R3HDM1: variants seen among roughly 807,000 people sequenced by gnomAD.
The protein encoded by R3HDM1 is R3H domain containing 1.
In R3HDM1, 46 loss-of-function variants were observed where a neutral mutation model predicts 141.1. That is an observed-to-expected ratio of 0.33 (90% CI 0.26 to 0.42). R3HDM1 has a LOEUF of 0.42. Ranked by LOEUF, R3HDM1 falls within the 10% of genes least tolerant of loss-of-function variation. The probability of loss-of-function intolerance (pLI) is 1.00; values close to 1 mark genes in which losing one functional copy is unlikely to be tolerated. For synonymous variants in R3HDM1, 435 were observed against 472.9 expected (o/e 0.92, Z 1.04); for missense variants, 1,184 against 1,368.3 (o/e 0.87, Z 2.12).
chr2:135,542,645 G>T (rs147119426), intron 1 of R3HDM1, among the ~76,000 whole-genome samples: 46 of 152,282 alleles, frequency 3.0e-4, no homozygotes, highest in Non-Finnish European at 6.2e-4. Context: ...TGAAATAAAA[G>T]ATTTCATCCC....
chr2:135,599,920 G>C (rs1235841280), intron 1 of R3HDM1, among the ~76,000 whole-genome samples: 1 of 151,822 alleles, frequency 6.6e-6, no homozygotes, highest in Non-Finnish European at 1.5e-5. Context: ...TATAGTCGCA[G>C]TTACTCAGGA....
At chr2:135,616,368 CT>C (rs1442476510) in intron 4 of R3HDM1, among the ~76,000 whole-genome samples, 175 bp downstream of exon 4, 1 of 152,038 alleles carries the variant, frequency 6.6e-6, no homozygotes, top group Admixed American at 6.6e-5. Context: ...TTGTGCATTG[CT>C]TTTTTTATCT....
At chr2:135,658,654 A>G (rs1373987976) in intron 18 of R3HDM1, among the ~76,000 whole-genome samples, 2 of 152,178 alleles carry the variant, frequency 1.3e-5, no homozygotes, top group Admixed American at 6.5e-5. Context: ...TTCTTCAGTA[A>G]TTAACCTTAG....
At chr2:135,621,088 A>G (rs1375755780) in intron 5 of R3HDM1, among the ~76,000 whole-genome samples, 1 of 152,010 alleles carries the variant, frequency 6.6e-6, no homozygotes, top group Non-Finnish European at 1.5e-5. Context: ...TTTATTAATC[A>G]TTGACTTGAC....
intron 1 of R3HDM1, among the ~76,000 whole-genome samples, chr2:135,568,354 T>C (rs1266562772): frequency 2.0e-5 from 3 of 149,478 alleles, no homozygotes; most frequent in Non-Finnish European, 4.4e-5. Context: ...GGCCACAGTT[T>C]TTTTGTTTGT....
intron 21 of R3HDM1, among the ~76,000 whole-genome samples, chr2:135,701,593 A>C (rs1486945343): frequency 1.3e-5 from 2 of 152,140 alleles, no homozygotes; most frequent in African/African-American, 4.8e-5. Flanking sequence ...CATTTGATTC[A>C]GGTGATCTAG....
chr2:135,688,478 AT>A (rs151247970), intron 21 of R3HDM1, among the ~76,000 whole-genome samples: 71 of 149,954 alleles, frequency 4.7e-4, no homozygotes, highest in Middle Eastern at 3.4e-3. Context: ...GTTTTGGGGG[AT>A]TTTTTTTTTC....
intron 5 of R3HDM1, 141 bp downstream of exon 5, chr2:135,616,898 A>C: frequency 1.4e-6 from 1 of 699,554 alleles, no homozygotes; most frequent in Non-Finnish European, 2.3e-6. Context: ...CAAGAGATAT[A>C]TGAAAAGTTA....
intron 1 of R3HDM1, chr2:135,597,245 G>T (rs773999704): frequency 4.9e-5 from 48 of 979,002 alleles, no homozygotes; most frequent in Non-Finnish European, 5.2e-5. Context: ...ATGGTTTAAC[G>T]AACTCTTTTA....
intron 1 of R3HDM1, among the ~76,000 whole-genome samples, chr2:135,570,281 C>A (rs1262309441): frequency 1.3e-5 from 2 of 152,158 alleles, no homozygotes; most frequent in African/African-American, 4.8e-5. Context: ...TCAGTTATCT[C>A]AGTATTAAAT....
chr2:135,667,056 T>C lies in R3HDM1; in HGVS notation c.2152+5663T>C, dbSNP rs113757958. On this transcript the variant is annotated intron_variant, in intron 19 of 26. Transcript: ENST00000683871. ...ATTCTAAGCATTTCTTTAATACTTT[T>C]TGTAATTTTTCTGATTATTTCTGTG... 3.4e-6 allele frequency: 3 copies of C among 870,868 alleles called. No individual in the cohort carries two copies. The African/African-American group carries it at 5.5e-5, about 16-fold the overall frequency. The allele number at this position is 870,868 out of a possible 1,614,324, so 53.9% of individuals were successfully genotyped here.
At chr2:135,658,687 TTTAA>T (rs2066246559) in intron 18 of R3HDM1, among the ~76,000 whole-genome samples, 1 of 152,198 alleles carries the variant, frequency 6.6e-6, no homozygotes, top group East Asian at 1.9e-4. Context: ...TTATAAACTT[TTTAA>T]TTCTTTTCAC....
Position 135,649,994 on chromosome 2 carries a change from A to G in R3HDM1, c.1716A>G (p.Gln572=), listed in dbSNP as rs899403656. ...SPFLPVSPTQ[Q]YSVQDNLGSQ... ...TCCTGCCAGTCTCACCCACCCAGCA[A>G]TACTCTGTGGTACTATATCTCTATT... Residue 572 remains glutamine, a synonymous_variant, in exon 17 of 27, where the codon CAA becomes CAG. Coordinates refer to ENST00000683871, the MANE Select transcript of R3HDM1 (RefSeq NM_001378107.1). The G allele has an allele frequency of 7.0e-6, 9 of 1,289,386 alleles. No individual in the cohort carries two copies. Among genetic ancestry groups the G allele is most frequent in the African/African-American group, 1.5e-5 (1 of 65,388 alleles). The allele number at this position is 1,289,386 out of a possible 1,614,324, so 79.9% of individuals were successfully genotyped here.
chr2:135,562,206 G>A (rs1248760761), intron 1 of R3HDM1, among the ~76,000 whole-genome samples: 1 of 152,138 alleles, frequency 6.6e-6, no homozygotes, highest in Non-Finnish European at 1.5e-5. Flanking sequence ...ATAGCTGTTC[G>A]TAGGAATGAG....
intron 22 of R3HDM1, 70 bp from the exon 23 acceptor site, chr2:135,709,989 C>A (rs2304368): frequency 0.031 from 44,226 of 1,436,632 alleles, 2,006 homozygotes; most frequent in African/African-American, 0.2. Context: ...CTACTGTTAT[C>A]CTAGTGTTCA....
chr2:135,616,080 A>G, intron 3 of R3HDM1, 72 bp from the exon 4 acceptor site: 1 of 1,443,822 alleles, frequency 6.9e-7, no homozygotes, highest in East Asian at 2.3e-5. Context: ...TCTGTGGTTT[A>G]GGACTATGAA....
At chr2:135,587,060 G>A in intron 1 of R3HDM1, 1 of 836,144 alleles carries the variant, frequency 1.2e-6, no homozygotes, top group Non-Finnish European at 1.4e-6. Context: ...GCAAAACCTA[G>A]ATCTGTCATT....
At chr2:135,671,718 A>C (rs1052535889) in intron 19 of R3HDM1, among the ~76,000 whole-genome samples, 3 of 151,946 alleles carry the variant, frequency 2.0e-5, no homozygotes, top group Admixed American at 6.6e-5. Context: ...GCTCATGCCT[A>C]TAATCGCAGC....
At chr2:135,673,690 G>A (rs1213310193) in intron 19 of R3HDM1, among the ~76,000 whole-genome samples, 1 of 152,170 alleles carries the variant, frequency 6.6e-6, no homozygotes, top group African/African-American at 2.4e-5. Context: ...TTTTTACAAA[G>A]TTAGACTGGT....
Sources: gnomAD v4.1 joint callset for allele counts (sites outside exome capture counted in the v4.1 genomes callset) on GRCh38, gnomAD v4.1.1 for gene constraint, MANE v1.5 for transcripts, NCBI Gene and HGNC (gene_info 2026-07-23, HGNC 2026-07-21) for gene names.